The following KIAA1549L variants were observed in gnomAD, a reference collection of about 807,000 sequenced individuals.
KIAA1549L encodes KIAA1549 like, also known as UPF0606 protein KIAA1549L.
KIAA1549L carries 88 observed loss-of-function variants against 160.7 expected under a neutral mutation model. That is an observed-to-expected ratio of 0.55 (90% CI 0.46 to 0.65). The LOEUF (loss-of-function observed/expected upper bound fraction) is 0.65, where lower values mean the gene tolerates loss of function less well. KIAA1549L is among the 30% of genes least tolerant of loss of function. KIAA1549L has a pLI of 0.00. For missense variants in KIAA1549L, 2,258 were observed against 2,437.5 expected (o/e 0.93, Z 1.55); for synonymous variants, 950 against 976.7 (o/e 0.97, Z 0.51).
chr11:33,630,322 C>A (rs1208758477), intron 16 of KIAA1549L, among the ~76,000 whole-genome samples: 1 of 152,282 alleles, frequency 6.6e-6, no homozygotes, highest in Non-Finnish European at 1.5e-5. Context: ...TTCGAGCTTC[C>A]CGGCTGCTTT....
chr11:33,422,342 C>T (rs1443983905), intron 1 of KIAA1549L, among the ~76,000 whole-genome samples: 1 of 152,122 alleles, frequency 6.6e-6, no homozygotes, highest in Non-Finnish European at 1.5e-5. Flanking sequence ...GTTTCTAGGG[C>T]ATGTCTTGTA....
intron 1 of KIAA1549L, among the ~76,000 whole-genome samples, chr11:33,494,483 G>T (rs898831090): frequency 1.3e-5 from 2 of 152,186 alleles, no homozygotes; most frequent in African/African-American, 4.8e-5. Flanking sequence ...AGACCTGCTA[G>T]AGATTACTTA....
intron 19 of KIAA1549L, among the ~76,000 whole-genome samples, 194 bp downstream of exon 19, chr11:33,659,092 A>G (rs1322120432): frequency 6.6e-6 from 1 of 152,194 alleles, no homozygotes; most frequent in Non-Finnish European, 1.5e-5. Context: ...AAGATCTGAA[A>G]TTGGGCAAAA....
At chr11:33,410,387 G>A (rs1850763225) in intron 1 of KIAA1549L, among the ~76,000 whole-genome samples, 2 of 152,176 alleles carry the variant, frequency 1.3e-5, no homozygotes, top group East Asian at 1.9e-4. Flanking sequence ...AATGGATGTC[G>A]TGTTCCTCTT....
chr11:33,634,436 C>T (rs958136476), intron 16 of KIAA1549L, among the ~76,000 whole-genome samples: 10 of 152,238 alleles, frequency 6.6e-5, no homozygotes, highest in Admixed American at 6.5e-4. Context: ...AAGAGATGGG[C>T]CGTAGTACAA....
intron 1 of KIAA1549L, among the ~76,000 whole-genome samples, chr11:33,464,473 C>CGTGTGTGT (rs1565147863): frequency 6.6e-5 from 6 of 91,428 alleles, no homozygotes; most frequent in Non-Finnish European, 9.0e-5. Context: ...GCTGTGTGTG[C>CGTGTGTGT]ATGTGTGTGT....
intron 8 of KIAA1549L, among the ~76,000 whole-genome samples, chr11:33,562,415 A>G (rs1368651096): frequency 2.0e-5 from 3 of 152,238 alleles, no homozygotes; most frequent in Non-Finnish European, 4.4e-5. Context: ...TGGCACTGCT[A>G]TAAGCAAGTG....
rs536053884 is a variant in KIAA1549L at position 33,630,652 on chromosome 11, G to A, written c.5409+11990G>A. Reference sequence around the variant, plus strand: ...CCCTGCTTCGGCTCATGCATGGTGCGTGCACCCAGTGACCTGCGCCCACTG... The same window carrying A: ...CCCTGCTTCGGCTCATGCATGGTGCATGCACCCAGTGACCTGCGCCCACTG... On this transcript the variant is annotated intron_variant, in intron 16 of 20. Transcript: ENST00000658780. Among the ~76,000 whole-genome samples, 60 of 152,340 alleles carry A rather than the reference G, an allele frequency of 3.9e-4. 1 individual carries two copies. The South Asian group carries it at 7.1e-3, about 18-fold the overall frequency.
At chr11:33,438,808 C>T (rs1025855095) in intron 1 of KIAA1549L, among the ~76,000 whole-genome samples, 2 of 150,570 alleles carry the variant, frequency 1.3e-5, no homozygotes, top group African/African-American at 2.4e-5. Context: ...ACTTTTCCCC[C>T]TTTCTGCTTC....
chr11:33,655,056 C>A (rs985324312), intron 17 of KIAA1549L, among the ~76,000 whole-genome samples: 2 of 152,136 alleles, frequency 1.3e-5, no homozygotes, highest in Admixed American at 6.5e-5. Context: ...GGATGAGAAC[C>A]GCAAGTGAAG....
intron 16 of KIAA1549L, among the ~76,000 whole-genome samples, chr11:33,632,224 G>T (rs374519060): frequency 6.6e-6 from 1 of 152,208 alleles, no homozygotes; most frequent in African/African-American, 2.4e-5. Context: ...GTGTTCCCTT[G>T]TGTGTTGGCT....
chr11:33,589,543 A>G (rs555165311), intron 11 of KIAA1549L, among the ~76,000 whole-genome samples: 23 of 152,370 alleles, frequency 1.5e-4, no homozygotes, highest in Middle Eastern at 3.4e-3. Context: ...CTGGAATAAG[A>G]AAATGGGCAC....
chr11:33,475,110 A>G (rs192470918), intron 1 of KIAA1549L, among the ~76,000 whole-genome samples: 1 of 152,290 alleles, frequency 6.6e-6, no homozygotes, highest in Non-Finnish European at 1.5e-5. Flanking sequence ...ATTCTCCTGC[A>G]ATGACTTTCT....
chr11:33,543,915 G>A lies in KIAA1549L; in HGVS notation c.2352G>A (p.Glu784=), dbSNP rs752070939. 3.7e-6 allele frequency: 6 copies of A among 1,613,980 alleles called. No homozygotes were observed. Among genetic ancestry groups the A allele is most frequent in the Non-Finnish European group, 5.1e-6 (6 of 1,179,878 alleles). ...ATCTAGTCCTCGGTACAAGCATTGA[G>A]CAGCCTGTGCAACAGTCAGACATGA... ...IQDLVLGTSI[E]QPVQQSDMTM... is the part of the protein sequence containing the mutation. The change falls in exon 2 of 21, where the codon GAG becomes GAA. Residue 784 remains glutamate, a synonymous_variant. Transcript: ENST00000658780.
intron 16 of KIAA1549L, among the ~76,000 whole-genome samples, chr11:33,630,552 G>A (rs886541261): frequency 2.0e-5 from 3 of 152,098 alleles, no homozygotes; most frequent in Non-Finnish European, 4.4e-5. Flanking sequence ...TCCAGGTGCC[G>A]TTTGTCACCC....
At chr11:33,602,840 AATT>A (rs1290696233) in intron 13 of KIAA1549L, among the ~76,000 whole-genome samples, 1 of 152,202 alleles carries the variant, frequency 6.6e-6, no homozygotes, top group African/African-American at 2.4e-5. Flanking sequence ...AAGGATAACT[AATT>A]ATTTTTCTCT....
intron 16 of KIAA1549L, among the ~76,000 whole-genome samples, chr11:33,629,417 A>G (rs1851212161): frequency 6.6e-6 from 1 of 152,188 alleles, no homozygotes; most frequent in Non-Finnish European, 1.5e-5. Flanking sequence ...CATGACTTTC[A>G]GGTACACCAA....
intron 16 of KIAA1549L, among the ~76,000 whole-genome samples, chr11:33,639,003 T>C (rs1851516132): frequency 6.6e-6 from 1 of 152,248 alleles, no homozygotes; most frequent in Non-Finnish European, 1.5e-5. Flanking sequence ...GAACTATTTA[T>C]ATATTGTGGA....
At chr11:33,462,464 G>A (rs970511047) in intron 1 of KIAA1549L, among the ~76,000 whole-genome samples, 8 of 152,138 alleles carry the variant, frequency 5.3e-5, no homozygotes, top group African/African-American at 1.9e-4. Context: ...AAAAGTTTAG[G>A]TTCCTTGAGT....
Sources: gnomAD v4.1 joint callset for allele counts (sites outside exome capture counted in the v4.1 genomes callset) on GRCh38, gnomAD v4.1.1 for gene constraint, MANE v1.5 for transcripts, NCBI Gene and HGNC (gene_info 2026-07-23, HGNC 2026-07-21) for gene names.